COL22A1: variants seen among roughly 807,000 people sequenced by gnomAD.
COL22A1 encodes collagen alpha-1(XXII) chain.
A neutral mutation model predicts 248.9 loss-of-function variants in COL22A1; 221 were observed. That is an observed-to-expected ratio of 0.89 (90% CI 0.80 to 0.99). COL22A1 has a LOEUF of 0.99. Among genes scored for constraint, COL22A1 ranks in the 50% least tolerant of loss-of-function variants. The pLI is 0.00. For missense variants in COL22A1, 2,240 were observed against 2,179.0 expected, an observed-to-expected ratio of 1.03 and a Z score of -0.56; for synonymous variants, 891 against 793.4, an observed-to-expected ratio of 1.12 and a Z score of -2.07.
chr8:138,658,745 G>A (rs1343162038), intron 44 of COL22A1, among the ~76,000 whole-genome samples: 2 of 152,148 alleles, frequency 1.3e-5, no homozygotes, highest in African/African-American at 4.8e-5. Flanking sequence ...GGAAATGACT[G>A]AACATGAGGG....
rs543892137 is a variant in COL22A1, at chr8:138,692,398, C to T, written c.2754+1248G>A. On this transcript the variant is annotated intron_variant, in intron 35 of 64. Transcript: ENST00000303045. ...GACATGTGTATTGTGCACGTATGTA[C>T]ATGTGTGTGTATGTGTGTGTGCACG... 6.8e-4 allele frequency among the ~76,000 whole-genome samples: 91 copies of T among 134,656 alleles called. 1 individual carries two copies. The highest frequency in any genetic ancestry group is 1.2e-3 in the Non-Finnish European group (73 of 63,276). 88.3% of individuals were successfully genotyped at this position (134,656 alleles called of 152,430 possible).
intron 49 of COL22A1, among the ~76,000 whole-genome samples, chr8:138,633,425 T>A (rs1820889030): frequency 6.6e-6 from 1 of 152,218 alleles, no homozygotes; most frequent in Non-Finnish European, 1.5e-5. Flanking sequence ...TTCTAACTTA[T>A]TGCAGCTTCC....
chr8:138,607,795 C>T lies in COL22A1; in HGVS notation c.4032+141G>A, dbSNP rs1293484961. ...AAAATGGCCCTATGGAGCCTCTTACCTCCAACCTATTTCTACCACTCAAAC... is the reference window on the plus strand; with the variant it reads ...AAAATGGCCCTATGGAGCCTCTTACTTCCAACCTATTTCTACCACTCAAAC... On this transcript the variant is annotated intron_variant, in intron 57 of 64. Coordinates refer to ENST00000303045, the MANE Select transcript of COL22A1 (RefSeq NM_152888.3). 5 of 709,214 alleles carry T rather than the reference C, an allele frequency of 7.1e-6. No homozygotes were observed. The Admixed American group carries it at 1.6e-4, about 22-fold the overall frequency. 43.9% of individuals were successfully genotyped at this position (709,214 alleles called of 1,614,324 possible).
intron 3 of COL22A1, among the ~76,000 whole-genome samples, chr8:138,850,806 G>C (rs1173086121): frequency 6.6e-6 from 1 of 152,212 alleles, no homozygotes; most frequent in African/African-American, 2.4e-5. Flanking sequence ...AAACAGAGGC[G>C]AAAGTCCCTC....
At chr8:138,664,209 G>GCGCGCACACACA (rs1440442280) in intron 41 of COL22A1, among the ~76,000 whole-genome samples, 3 of 103,204 alleles carry the variant, frequency 2.9e-5, no homozygotes, top group South Asian at 4.3e-4. Context: ...GCGCGCGCGC[G>GCGCGCACACACA]CACACACACA....
chr8:138,862,635 G>GT (rs905175494), intron 3 of COL22A1, among the ~76,000 whole-genome samples: 13 of 151,730 alleles, frequency 8.6e-5, no homozygotes, highest in African/African-American at 2.2e-4. Flanking sequence ...CTTTCCTCTT[G>GT]TTTTTTTCCC....
At chr8:138,594,236 C>T (rs750755891) in intron 62 of COL22A1, 37 bp from the exon 63 acceptor site, 6 of 1,547,606 alleles carry the variant, frequency 3.9e-6, no homozygotes, top group Non-Finnish European at 5.2e-6. Context: ...TCATGAAGAA[C>T]AGATAGTGGA....
At chr8:138,867,070 G>A (rs1375022044) in intron 3 of COL22A1, among the ~76,000 whole-genome samples, 2 of 152,176 alleles carry the variant, frequency 1.3e-5, no homozygotes, top group Non-Finnish European at 2.9e-5. Flanking sequence ...CTCCTGTAAA[G>A]GGCCCGATAG....
In COL22A1 at chr8:138,692,271, T is replaced by TGTGGAG. The variant is rs1231046904; in HGVS notation, c.2754+1374_2754+1375insCTCCAC. Among the ~76,000 whole-genome samples the TGTGGAG allele has an allele frequency of 6.9e-4, 70 of 101,522 alleles. 6 individuals are homozygous for TGTGGAG. Among genetic ancestry groups the TGTGGAG allele is most frequent in the Non-Finnish European group, 9.3e-4 (39 of 42,026 alleles). 66.6% of individuals were successfully genotyped at this position (101,522 alleles called of 152,430 possible). ...ACGTATGTGTGCGTGTGTGCATGTT[T>TGTGGAG]GTGTGCACATGCATGTGTGCATGTT... On this transcript the variant is annotated intron_variant, in intron 35 of 64. Transcript: ENST00000303045.
rs1254490670 is a variant in COL22A1, at chr8:138,878,263, C to T, written c.145G>A (p.Val49Met). ...ACCTTCTCAAAGTCCTCCTTGCCCA[C>T]GCTGGAGGAGGTGTCCAGGAGGAAG... ...LVFLLDTSSSVGKEDFEKVRQ... is the reference protein window; with the variant it reads ...LVFLLDTSSSMGKEDFEKVRQ... Residue 49 changes from valine to methionine, a missense_variant, in exon 3 of 65, where the codon GTG becomes ATG. Val to Met is a conservative substitution (Grantham distance 21). Coordinates refer to ENST00000303045, the MANE Select transcript of COL22A1 (RefSeq NM_152888.3). 3.2e-6 allele frequency: 5 copies of T among 1,583,920 alleles called. No homozygotes were observed. The highest frequency in any genetic ancestry group is 2.3e-5 in the East Asian group (1 of 43,582).
At chr8:138,607,905 T>C (rs768822001) in intron 57 of COL22A1, 31 bp downstream of exon 57, 32 of 1,609,568 alleles carry the variant, frequency 2.0e-5, no homozygotes, top group Non-Finnish European at 2.1e-5. Context: ...CCCACCCTGA[T>C]GCCATCACAT....
At chr8:138,895,058 C>G (rs4559274) in intron 1 of COL22A1, among the ~76,000 whole-genome samples, 1 of 44,846 alleles carries the variant, frequency 2.2e-5, no homozygotes, top group South Asian at 1.8e-3. Context: ...GAACCTTTCT[C>G]TTAAAAAAAA....
intron 1 of COL22A1, among the ~76,000 whole-genome samples, chr8:138,895,869 T>C (rs1825377361): frequency 6.6e-6 from 1 of 152,116 alleles, no homozygotes; most frequent in East Asian, 1.9e-4. Flanking sequence ...ATAATCAAAC[T>C]TCTGAAAACC....
intron 7 of COL22A1, among the ~76,000 whole-genome samples, chr8:138,813,813 C>G (rs1283645787): frequency 6.6e-6 from 1 of 152,206 alleles, no homozygotes; most frequent in East Asian, 1.9e-4. Flanking sequence ...CTCTCCAGGT[C>G]ACCAGCACTG....
intron 3 of COL22A1, among the ~76,000 whole-genome samples, chr8:138,871,664 A>T (rs145597184): frequency 3.9e-5 from 6 of 152,222 alleles, no homozygotes; most frequent in Non-Finnish European, 7.3e-5. Context: ...TACCTGAAAG[A>T]TAATAGAAGC....
At chr8:138,743,969 C>T (rs561229678) in intron 22 of COL22A1, among the ~76,000 whole-genome samples, 7 of 152,192 alleles carry the variant, frequency 4.6e-5, no homozygotes, top group Admixed American at 1.3e-4. Flanking sequence ...TAATATGTGC[C>T]GTATGGTCTT....
chr8:138,646,372 C>T (rs1822205144), intron 47 of COL22A1, among the ~76,000 whole-genome samples: 3 of 152,156 alleles, frequency 2.0e-5, no homozygotes, highest in African/African-American at 7.2e-5. Context: ...ACCAGTAGGT[C>T]CCACACAGTC....
intron 27 of COL22A1, among the ~76,000 whole-genome samples, chr8:138,717,143 T>TTA (rs1563659986): frequency 6.6e-6 from 1 of 152,132 alleles, no homozygotes; most frequent in African/African-American, 2.4e-5. Context: ...TTTTTTAATT[T>TTA]TTTTTTATTT....
chr8:138,648,153 G>A (rs551736274), intron 46 of COL22A1, among the ~76,000 whole-genome samples: 2 of 152,346 alleles, frequency 1.3e-5, no homozygotes, highest in African/African-American at 4.8e-5. Context: ...TTAATTAGGT[G>A]AAATTATTCT....
Sources: allele counts gnomAD v4.1 joint callset (sites outside exome capture counted in the v4.1 genomes callset), GRCh38; gene constraint gnomAD v4.1.1; transcripts MANE v1.5; gene names NCBI Gene and HGNC (gene_info 2026-07-23, HGNC 2026-07-21).